The following TPH1 variants were observed in gnomAD, a reference collection of about 807,000 sequenced individuals.
TPH1 encodes the protein tryptophan 5-hydroxylase 1.
In TPH1, 37 loss-of-function variants were observed where a neutral mutation model predicts 49.5. That is an observed-to-expected ratio of 0.75 (90% CI 0.58 to 0.98). The LOEUF is 0.98. Among genes scored for constraint, TPH1 ranks in the 50% least tolerant of loss-of-function variants. The pLI, the probability that TPH1 is intolerant of heterozygous loss-of-function variation, is 0.00. For synonymous variants in TPH1, 160 were observed against 182.1 expected (o/e 0.88, Z 0.98); for missense variants, 487 against 523.6 (o/e 0.93, Z 0.68).
intron 1 of TPH1, chr11:18,041,038 T>C: frequency 3.0e-6 from 1 of 329,570 alleles, no homozygotes; most frequent in Non-Finnish European, 5.7e-6. Flanking sequence ...ATCGCTCTTT[T>C]AGGGCATGAC....
At chr11:18,025,538 A>T in intron 8 of TPH1, 37 bp downstream of exon 8, 1 of 1,612,830 alleles carries the variant, frequency 6.2e-7, no homozygotes, top group Non-Finnish European at 8.5e-7. Flanking sequence ...CATACACCCT[A>T]CCCCAGGTGA....
At chr11:18,025,751 A>G in intron 7 of TPH1, 50 bp from the exon 8 acceptor site, 1 of 1,608,670 alleles carries the variant, frequency 6.2e-7, no homozygotes, top group Non-Finnish European at 8.5e-7. Flanking sequence ...ACATACGTTT[A>G]TAATCAACCA....
chr11:18,036,296 AT>A, intron 2 of TPH1, among the ~76,000 whole-genome samples, 154 bp from the exon 3 acceptor site: 1 of 152,288 alleles, frequency 6.6e-6, no homozygotes, highest in East Asian at 1.9e-4. Flanking sequence ...CAACAAAATA[AT>A]TCCTTCTTAA....
chr11:18,021,049 T>C lies in TPH1; in HGVS notation c.1277A>G (p.His426Arg). ...SITSAMNELQ[H>R]DLDVVSDALA... ...GGCATCACTGACAACATCGAGATCA[T>C]GCTGCAGCTCATTCATGGCACTGGT... Residue 426 changes from histidine to arginine, a missense_variant, in exon 11 of 11, where the codon CAT becomes CGT. Coordinates refer to ENST00000682019, the MANE Select transcript of TPH1 (RefSeq NM_004179.3). 1 of 1,614,128 alleles carries C rather than the reference T, an allele frequency of 6.2e-7. No individual in the cohort carries two copies. The highest frequency in any genetic ancestry group is 8.5e-7 in the Non-Finnish European group (1 of 1,179,988).
intron 4 of TPH1, 149 bp from the exon 5 acceptor site, chr11:18,029,728 C>T: frequency 1.5e-6 from 1 of 669,338 alleles, no homozygotes; most frequent in South Asian, 1.9e-5. Context: ...GATTTATGAT[C>T]ATTTTTATTT....
intron 1 of TPH1, among the ~76,000 whole-genome samples, chr11:18,044,031 A>T (rs1441942281): frequency 6.6e-6 from 1 of 152,108 alleles, no homozygotes; most frequent in East Asian, 1.9e-4. Context: ...TTGTGCCAAC[A>T]TCTCCTTAGT....
chr11:18,038,304 T>C (rs987160767), intron 2 of TPH1, among the ~76,000 whole-genome samples: 7 of 152,200 alleles, frequency 4.6e-5, no homozygotes, highest in African/African-American at 1.7e-4. Context: ...TTGTCTCCAC[T>C]AGGCAGGTGG....
intron 1 of TPH1, among the ~76,000 whole-genome samples, chr11:18,044,222 G>A (rs950928132): frequency 6.6e-6 from 1 of 152,156 alleles, no homozygotes; most frequent in African/African-American, 2.4e-5. Context: ...AAGAGAGCGA[G>A]ACCATCCTGG....
intron 6 of TPH1, among the ~76,000 whole-genome samples, chr11:18,028,189 T>C (rs1607395): frequency 0.34 from 51,789 of 152,110 alleles, 9,546 homozygotes; most frequent in East Asian, 0.47. Context: ...GAGGCCTGGA[T>C]CAAACAAATA....
At chr11:18,036,556 T>C (rs2134032916) in intron 2 of TPH1, among the ~76,000 whole-genome samples, 2 of 152,308 alleles carry the variant, frequency 1.3e-5, no homozygotes, top group East Asian at 3.9e-4. Flanking sequence ...TTAAATTAGA[T>C]GAACAGCTTG....
At chr11:18,026,436 C>G in intron 7 of TPH1, 54 bp downstream of exon 7, 1 of 1,421,814 alleles carries the variant, frequency 7.0e-7, no homozygotes, top group South Asian at 1.1e-5. Flanking sequence ...AAGGTAGATG[C>G]CATTATTATA....
intron 9 of TPH1, 54 bp from the exon 10 acceptor site, chr11:18,022,985 A>G: frequency 1.3e-6 from 2 of 1,590,430 alleles, no homozygotes; most frequent in Non-Finnish European, 1.7e-6. Context: ...TTCATAGATC[A>G]TGCAACTTCC....
chr11:18,039,298 A>G (rs1384216378), intron 2 of TPH1, among the ~76,000 whole-genome samples: 1 of 152,170 alleles, frequency 6.6e-6, no homozygotes, highest in Non-Finnish European at 1.5e-5. Context: ...AACTCTACTA[A>G]TGCTCACAAT....
intron 2 of TPH1, among the ~76,000 whole-genome samples, chr11:18,038,879 T>C (rs559452639): frequency 6.6e-6 from 1 of 152,076 alleles, no homozygotes; most frequent in African/African-American, 2.4e-5. Flanking sequence ...AAAGTAATAA[T>C]AAAAGTATCA....
intron 6 of TPH1, among the ~76,000 whole-genome samples, chr11:18,028,326 G>C (rs975957267): frequency 1.3e-5 from 2 of 152,164 alleles, no homozygotes; most frequent in African/African-American, 4.8e-5. Flanking sequence ...CAAGATGTTT[G>C]AATCTCCTCT....
Position 18,029,375 on chromosome 11 carries a change from G to A in TPH1, c.471-14C>T. 4 of 1,611,546 alleles carry A rather than the reference G, an allele frequency of 2.5e-6. No homozygotes were observed. The highest frequency in any genetic ancestry group is 2.5e-6 in the Non-Finnish European group (3 of 1,177,894). On this transcript the variant is annotated splice_polypyrimidine_tract_variant and intron_variant, in intron 5 of 10. Transcript: ENST00000682019. ...ATGGGGTCTCCACTAATGAGATAAA[G>A]GGAAGGAGTTGTTTTGAATTAGCAT...
intron 2 of TPH1, among the ~76,000 whole-genome samples, chr11:18,036,789 T>G (rs972069235): frequency 3.3e-5 from 5 of 152,148 alleles, no homozygotes; most frequent in Admixed American, 3.3e-4. Flanking sequence ...TTTTTTCATC[T>G]AAAACAATGA....
chr11:18,035,897 T>C (rs1590266340), intron 3 of TPH1, 62 bp downstream of exon 3: 4 of 1,358,992 alleles, frequency 2.9e-6, no homozygotes, highest in East Asian at 4.6e-5. Flanking sequence ...AAGATAAATA[T>C]AAGGCTGGAC....
chr11:18,029,855 C>G (rs1270334604), intron 4 of TPH1, among the ~76,000 whole-genome samples: 1 of 152,132 alleles, frequency 6.6e-6, no homozygotes, highest in African/African-American at 2.4e-5. Flanking sequence ...AATAAGTAAA[C>G]CACCATCCCA....
Sources: gnomAD v4.1 joint callset for allele counts (sites outside exome capture counted in the v4.1 genomes callset) on GRCh38, gnomAD v4.1.1 for gene constraint, MANE v1.5 for transcripts, NCBI Gene and HGNC (gene_info 2026-07-23, HGNC 2026-07-21) for gene names.